Variants in IPO9 observed in about 807,000 individuals in gnomAD.
The protein encoded by IPO9 is importin 9, also known as importin-9.
IPO9 carries 28 observed loss-of-function variants against 128.6 expected under a neutral mutation model. The ratio of observed to expected loss-of-function variants is 0.22; its 90% CI spans 0.16 to 0.30. The LOEUF is 0.30. IPO9 is among the 10% of genes least tolerant of loss of function. The pLI is 1.00. For synonymous variants in IPO9, 455 were observed against 475.8 expected (o/e 0.96, Z 0.57); for missense variants, 935 against 1,293.9 (o/e 0.72, Z 4.26).
chr1:201,830,204 G>A (rs920554261), intron 1 of IPO9, among the ~76,000 whole-genome samples: 8 of 152,164 alleles, frequency 5.3e-5, no homozygotes, highest in African/African-American at 1.9e-4. Flanking sequence ...AATCTTCTTG[G>A]TCTTTGTGTA....
intron 1 of IPO9, among the ~76,000 whole-genome samples, chr1:201,845,077 C>G (rs530290009): frequency 6.6e-6 from 1 of 151,876 alleles, no homozygotes; most frequent in African/African-American, 2.4e-5. Flanking sequence ...AGTGCAATGG[C>G]GCAATCTCGG....
intron 13 of IPO9, among the ~76,000 whole-genome samples, chr1:201,862,071 T>C (rs1680459557): frequency 6.6e-6 from 1 of 152,218 alleles, no homozygotes; most frequent in South Asian, 2.1e-4. Flanking sequence ...AATAACGTGA[T>C]GACTAAGGTA....
chr1:201,838,352 T>C (rs1366041599), intron 1 of IPO9, among the ~76,000 whole-genome samples: 2 of 152,246 alleles, frequency 1.3e-5, no homozygotes, highest in Non-Finnish European at 2.9e-5. Flanking sequence ...GAGTGCTTTT[T>C]TCCATTGAAC....
At position 201,875,964 on chromosome 1, in the gene IPO9, C is replaced by T; in HGVS notation, c.3036C>T (p.Leu1012=). 1.2e-6 allele frequency: 2 copies of T among 1,611,682 alleles called. No individual in the cohort carries two copies. The highest frequency in any genetic ancestry group is 1.7e-6 in the Non-Finnish European group (2 of 1,177,750). ...IDLQAYLTDF[L]CQFAQQPCYI... Reference sequence around the variant, plus strand: ...TCCAGGCATATCTCACAGATTTCCTCTGCCAGTTTGCTCAGCAGCCCTGCT... The same window carrying T: ...TCCAGGCATATCTCACAGATTTCCTTTGCCAGTTTGCTCAGCAGCCCTGCT... The change falls in exon 24 of 24, where the codon CTC becomes CTT. Residue 1012 remains leucine (L), a synonymous_variant. Transcript: ENST00000361565.
intron 1 of IPO9, among the ~76,000 whole-genome samples, chr1:201,833,243 T>TTA (rs978541827): frequency 3.9e-5 from 5 of 128,152 alleles, no homozygotes; most frequent in African/African-American, 9.3e-5. Context: ...TTTTTTTTTT[T>TTA]AATTTTATTT....
intron 13 of IPO9, among the ~76,000 whole-genome samples, chr1:201,860,814 C>T (rs1479277905): frequency 6.6e-6 from 1 of 152,174 alleles, no homozygotes; most frequent in Non-Finnish European, 1.5e-5. Context: ...CCCTGGCTGT[C>T]AGAGCCATGA....
chr1:201,866,876 G>A lies in IPO9; in HGVS notation c.1772G>A (p.Cys591Tyr). The A allele has an allele frequency of 6.2e-7, 1 of 1,614,132 alleles. No homozygotes were observed. The highest frequency in any genetic ancestry group is 8.5e-7 in the Non-Finnish European group (1 of 1,180,024). The change falls in exon 15 of 24, where the codon TGT becomes TAT. Residue 591 changes from cysteine to tyrosine, a missense_variant. Physicochemically the swap from Cys to Tyr is radical, Grantham distance 194. Coordinates refer to ENST00000361565, the MANE Select transcript of IPO9 (RefSeq NM_018085.5). ...NLVMETLCIV[C>Y]TVDPEFTASM... ...GTGATGGAGACCCTGTGCATCGTTT[G>A]TACAGTAGACCCCGAATTCACAGCA...
intron 1 of IPO9, among the ~76,000 whole-genome samples, chr1:201,839,348 C>CT (rs1679994672): frequency 6.6e-6 from 1 of 151,986 alleles, no homozygotes; most frequent in South Asian, 2.1e-4. Flanking sequence ...TCCCAAGTAG[C>CT]TGGGACTTCA....
intron 23 of IPO9, among the ~76,000 whole-genome samples, chr1:201,875,432 A>G (rs904901811): frequency 6.6e-6 from 1 of 152,060 alleles, no homozygotes; most frequent in African/African-American, 2.4e-5. Context: ...TCTACAAATA[A>G]TTTAAAAATT....
In IPO9 at chr1:201,877,506, C is replaced by G. The variant is rs1232607347; in HGVS notation, c.*1452C>G. The G allele has an allele frequency of 9.0e-6, 1 of 110,906 alleles. No individual in the cohort carries two copies. Among genetic ancestry groups the G allele is most frequent in the African/African-American group, 2.9e-5 (1 of 33,900 alleles). 6.9% of individuals were successfully genotyped at this position (110,906 alleles called of 1,614,324 possible). ...ACTCAATCACACACACACACACACA[C>G]ACACACAAATCATGGGGAGAAAGAT... is the stretch of plus-strand genomic sequence containing the variant. On this transcript the variant is annotated 3_prime_UTR_variant, in exon 24 of 24. Transcript: ENST00000361565.
intron 1 of IPO9, among the ~76,000 whole-genome samples, chr1:201,830,722 C>A (rs751929274): frequency 2.6e-5 from 4 of 152,180 alleles, no homozygotes; most frequent in East Asian, 1.9e-4. Flanking sequence ...AGCAAAGGAA[C>A]CTCATCACAT....
At chr1:201,875,093 C>T (rs1680736547) in intron 22 of IPO9, 59 bp from the exon 23 acceptor site, 2 of 1,512,404 alleles carry the variant, frequency 1.3e-6, no homozygotes, top group Non-Finnish European at 1.8e-6. Context: ...TATATCACCA[C>T]TCAGGGCCTG....
intron 11 of IPO9, 61 bp from the exon 12 acceptor site, chr1:201,858,386 T>C (rs1680374241): frequency 1.1e-6 from 1 of 910,348 alleles, no homozygotes; most frequent in African/African-American, 1.7e-5. Flanking sequence ...ACTGAAGCGG[T>C]TTACAATTAA....
In IPO9 at chr1:201,847,644, T is replaced by G; in HGVS notation, c.312+6T>G. ...CTCCTGAAACTACAGAAAGGGTAAG[T>G]CAGTTACTTGATTAGTCTACCTGAG... On this transcript the variant is annotated splice_donor_region_variant and intron_variant, in intron 3 of 23. Coordinates refer to ENST00000361565, the MANE Select transcript of IPO9 (RefSeq NM_018085.5). 7 of 1,599,030 alleles carry G rather than the reference T, an allele frequency of 4.4e-6. No individual in the cohort carries two copies. The highest frequency in any genetic ancestry group is 6.0e-6 in the Non-Finnish European group (7 of 1,166,320).
At chr1:201,850,946 C>G (rs774564190) in intron 4 of IPO9, 1 of 152,044 alleles carries the variant, frequency 6.6e-6, no homozygotes, top group Non-Finnish European at 1.5e-5. Flanking sequence ...TTGAAAATGC[C>G]AGCTTGCGTT....
chr1:201,843,437 CAGAA>C (rs1558216942), intron 1 of IPO9, among the ~76,000 whole-genome samples: 1 of 152,194 alleles, frequency 6.6e-6, no homozygotes, highest in Non-Finnish European at 1.5e-5. Flanking sequence ...GGAAAAAAGA[CAGAA>C]AGAAGTATCT....
chr1:201,874,502 G>A, intron 21 of IPO9, 130 bp downstream of exon 21: 1 of 1,030,602 alleles, frequency 9.7e-7, no homozygotes, highest in Non-Finnish European at 1.4e-6. Context: ...CTCTGTGGCT[G>A]GCACCATGCT....
chr1:201,854,701 T>C lies in IPO9; in HGVS notation c.797T>C (p.Met266Thr). 6.2e-7 allele frequency: 1 copy of C among 1,614,176 alleles called. No individual in the cohort carries two copies. The highest frequency in any genetic ancestry group is 1.3e-5 in the African/African-American group (1 of 75,054). The change falls in exon 7 of 24, where the codon ATG (methionine) becomes ACG (threonine). Residue 266 changes from methionine to threonine, a missense_variant. By Grantham distance (81) the Met-to-Thr change is moderately conservative. Transcript: ENST00000361565. Reference sequence around the variant, plus strand: ...CCCACATCTGACAGTGGGTTTAAGATGGAGGTCCTAAAGGTAAACACTTAC... The same window carrying C: ...CCCACATCTGACAGTGGGTTTAAGACGGAGGTCCTAAAGGTAAACACTTAC... ...DGPTSDSGFK[M>T]EVLKAVTALV...
At position 201,879,375 on chromosome 1, in the gene IPO9, CTA is replaced by C. The variant is rs1000791035; in HGVS notation, c.*3324_*3325del. 2.0e-5 allele frequency: 3 copies of C among 152,212 alleles called. No homozygotes were observed. Among genetic ancestry groups the C allele is most frequent in the Non-Finnish European group, 2.9e-5 (2 of 68,040 alleles). 9.4% of individuals were successfully genotyped at this position (152,212 alleles called of 1,614,324 possible). On this transcript the variant is annotated 3_prime_UTR_variant, in exon 24 of 24. Coordinates refer to ENST00000361565, the MANE Select transcript of IPO9 (RefSeq NM_018085.5). ...TGGTAACTGACCACTAACTAACAAA[CTA>C]TAAATTCACCCATTGTGGGTTGACC...
Sources: allele counts gnomAD v4.1 joint callset (sites outside exome capture counted in the v4.1 genomes callset), GRCh38; gene constraint gnomAD v4.1.1; transcripts MANE v1.5; gene names NCBI Gene and HGNC (gene_info 2026-07-23, HGNC 2026-07-21).